Variants in MLST8 observed in about 807,000 individuals in gnomAD.
MLST8 encodes the protein MTOR associated protein MLST8.
Under a neutral mutation model 41.3 loss-of-function variants are expected in MLST8, and 20 were observed. The ratio of observed to expected loss-of-function variants is 0.48; its 90% CI spans 0.34 to 0.70. The LOEUF (loss-of-function observed/expected upper bound fraction) is 0.70, where lower values mean the gene tolerates loss of function less well. MLST8 is among the 30% of genes least tolerant of loss of function. MLST8 has a pLI of 0.01. For missense variants in MLST8, 422 were observed against 454.3 expected (o/e 0.93, Z 0.65); for synonymous variants, 243 against 183.0 (o/e 1.33, Z -2.65).
rs1240418061 is a variant in MLST8, at chr16:2,209,063, T to C, written c.*186T>C. ...CAGCCCCCAGTTGCTTATCCAGATG[T>C]GACAGAGCTCGACCCAAGCCAGGCT... On this transcript the variant is annotated 3_prime_UTR_variant, in exon 9 of 9. Transcript: ENST00000569417. 4 of 689,138 alleles carry C rather than the reference T, an allele frequency of 5.8e-6. No homozygotes were observed. Among genetic ancestry groups the C allele is most frequent in the Non-Finnish European group, 7.4e-6 (3 of 405,626 alleles). 42.7% of individuals were successfully genotyped at this position (689,138 alleles called of 1,614,324 possible). A position where few individuals can be genotyped will look rare whatever the true frequency, so the allele number is the denominator to read the frequency against.
Position 2,205,528 on chromosome 16 carries a change from G to T in MLST8, c.-56+16G>T, listed in dbSNP as rs1035145429. ...CGCCCGTAAGGTACGGAGGCCGCGA[G>T]CCAGGGGCCGGGAACCGGCTGCTGG... On this transcript the variant is annotated intron_variant, in intron 1 of 8. Transcript: ENST00000569417. The T allele has an allele frequency of 1.1e-5, 3 of 274,186 alleles. No homozygotes were observed. The highest frequency in any genetic ancestry group is 1.7e-5 in the Non-Finnish European group (3 of 179,540). The allele number at this position is 274,186 out of a possible 1,614,324, so 17.0% of individuals were successfully genotyped here.
Position 2,207,090 on chromosome 16 carries a change from G to A in MLST8, c.400G>A (p.Val134Met), listed in dbSNP as rs1328649515. 1.9e-6 allele frequency: 3 copies of A among 1,613,858 alleles called. No homozygotes were observed. Among genetic ancestry groups the A allele is most frequent in the Non-Finnish European group, 2.5e-6 (3 of 1,179,994 alleles). Reference protein sequence around the residue: ...IFQVNAPINCVCLHPNQAELI... With the variant: ...IFQVNAPINCMCLHPNQAELI... ...CCAGGTGAACGCACCCATTAACTGC[G>A]TGTGCCTGCACCCCAACCAGGTGAG... Residue 134 changes from valine to methionine, a missense_variant, in exon 5 of 9, where the codon GTG (valine) becomes ATG (methionine). Val to Met is a conservative substitution (Grantham distance 21). Coordinates refer to ENST00000569417, the MANE Select transcript of MLST8 (RefSeq NM_022372.6).
At position 2,206,137 on chromosome 16, in the gene MLST8, G is replaced by T. The variant is rs763854951; in HGVS notation, c.52G>T (p.Ala18Ser). 25 of 1,611,376 alleles carry T rather than the reference G, an allele frequency of 1.6e-5. No individual in the cohort carries two copies. The highest frequency in any genetic ancestry group is 2.5e-6 in the Non-Finnish European group (3 of 1,179,026). Residue 18 changes from alanine to serine, a missense_variant, in exon 2 of 9, where the codon GCA (alanine) becomes TCA (serine). Coordinates refer to ENST00000569417, the MANE Select transcript of MLST8 (RefSeq NM_022372.6). Reference sequence around the variant, plus strand: ...CAGTGACCCGGTCATCCTGGCCACTGCAGGCTACGACCACACCGTGCGCTT... The same window carrying T: ...CAGTGACCCGGTCATCCTGGCCACTTCAGGCTACGACCACACCGTGCGCTT... ...VGSDPVILAT[A>S]GYDHTVRFWQ...
intron 6 of MLST8, chr16:2,207,744 G>T: frequency 3.9e-6 from 1 of 257,794 alleles, no homozygotes; most frequent in Non-Finnish European, 7.5e-6. Context: ...GCCAGGTGGC[G>T]TCATTCCCCT....
chr16:2,208,130 GTGTTGGCCCCCA>G, intron 6 of MLST8, 68 bp from the exon 7 acceptor site: 1 of 1,507,982 alleles, frequency 6.6e-7, no homozygotes, highest in South Asian at 1.3e-5. Flanking sequence ...TTGGCCCCCA[GTGTTGGCCCCCA>G]GGGCATCCTT....
Position 2,207,277 on chromosome 16 carries a change from C to A in MLST8, c.505C>A (p.Pro169Thr). Reference protein sequence around the residue: ...TDHNEQLIPEPEVSITSAHID... With the variant: ...TDHNEQLIPETEVSITSAHID... ...CCACAACGAGCAGCTGATCCCTGAG[C>A]CCGAGGTCTCCATCACGTCCGCCCA... The change falls in exon 6 of 9, where the codon CCC becomes ACC. Residue 169 changes from proline (P) to threonine (T), a missense_variant. Coordinates refer to ENST00000569417, the MANE Select transcript of MLST8 (RefSeq NM_022372.6). 6.2e-7 allele frequency: 1 copy of A among 1,614,178 alleles called. No individual in the cohort carries two copies. Among genetic ancestry groups the A allele is most frequent in the Non-Finnish European group, 8.5e-7 (1 of 1,180,020 alleles).
intron 3 of MLST8, 25 bp downstream of exon 3, chr16:2,206,434 ACTC>A (rs764381004): frequency 6.2e-7 from 1 of 1,613,520 alleles, no homozygotes; most frequent in Non-Finnish European, 8.5e-7. Flanking sequence ...TGATCTCTAA[ACTC>A]CTGAGCTCTG....
At chr16:2,208,165 GACCTGA>G (rs1567278696) in intron 6 of MLST8, 39 bp from the exon 7 acceptor site, 1 of 1,563,296 alleles carries the variant, frequency 6.4e-7, no homozygotes, top group African/African-American at 1.4e-5. Context: ...CTGTGTCTCA[GACCTGA>G]GGCCTTGGGC....
rs769126018 is a variant in MLST8 at position 2,206,025 on chromosome 16, C to G, written c.-55-6C>G. On this transcript the variant is annotated splice_region_variant and splice_polypyrimidine_tract_variant and intron_variant, in intron 1 of 8. Coordinates refer to ENST00000569417, the MANE Select transcript of MLST8 (RefSeq NM_022372.6). ...TCTTCTAAGTACTTCACATCCTTCT[C>G]TGCAGATGCTCTGACCTTTGACCCC... is the stretch of plus-strand genomic sequence containing the variant. The G allele has an allele frequency of 1.3e-6, 2 of 1,522,200 alleles. No homozygotes were observed. The highest frequency in any genetic ancestry group is 2.5e-5 in the South Asian group (2 of 79,468). 94.3% of individuals were successfully genotyped at this position (1,522,200 alleles called of 1,614,324 possible). A position where few individuals can be genotyped will look rare whatever the true frequency, so the allele number is the denominator to read the frequency against.
rs1278986291 is a variant in MLST8, at chr16:2,207,278, C to T, written c.506C>T (p.Pro169Leu). 2.5e-6 allele frequency: 4 copies of T among 1,614,194 alleles called. No individual in the cohort carries two copies. Among genetic ancestry groups the T allele is most frequent in the Non-Finnish European group, 3.4e-6 (4 of 1,180,022 alleles). ...TDHNEQLIPE[P>L]EVSITSAHID... is the part of the protein sequence containing the mutation. ...CACAACGAGCAGCTGATCCCTGAGC[C>T]CGAGGTCTCCATCACGTCCGCCCAC... Residue 169 changes from proline (P) to leucine (L), a missense_variant, in exon 6 of 9, where the codon CCC becomes CTC. Pro to Leu is a moderately conservative substitution (Grantham distance 98). Coordinates refer to ENST00000569417, the MANE Select transcript of MLST8 (RefSeq NM_022372.6).
In MLST8 at chr16:2,208,763, C is replaced by T. The variant is rs2093350335; in HGVS notation, c.867C>T (p.Ser289=). 6.2e-7 allele frequency: 1 copy of T among 1,613,882 alleles called. No homozygotes were observed. Among genetic ancestry groups the T allele is most frequent in the African/African-American group, 1.3e-5 (1 of 74,942 alleles). ...CTGCACAATCTCCCCCTCCAGCTTC[C>T]TCGGACAACCTGGCCCGGCTCTGGT... The part of the protein sequence containing the change: ...SGDSQYIVTA[S]SDNLARLWCV... Residue 289 remains serine (S), a synonymous_variant, in exon 9 of 9, where the codon TCC becomes TCT. Transcript: ENST00000569417.
intron 1 of MLST8, 132 bp downstream of exon 1, chr16:2,205,644 G>C (rs1388567067): frequency 2.0e-6 from 2 of 983,316 alleles, no homozygotes; most frequent in Non-Finnish European, 2.4e-6. Flanking sequence ...GGTCCAGCCA[G>C]ACTGCGCCCT....
Position 2,208,578 on chromosome 16 carries a change from G to A in MLST8, c.827G>A (p.Cys276Tyr), listed in dbSNP as rs368651599. Reference sequence around the variant, plus strand: ...TCCTCCCGCGGCTGGATGTGGGGCTGCGCCTTCTCGGGGGACTCCCAGTAC... The same window carrying A: ...TCCTCCCGCGGCTGGATGTGGGGCTACGCCTTCTCGGGGGACTCCCAGTAC... Reference protein sequence around the residue: ...GESSRGWMWGCAFSGDSQYIV... With the variant: ...GESSRGWMWGYAFSGDSQYIV... Residue 276 changes from cysteine (C) to tyrosine (Y), a missense_variant, in exon 8 of 9, where the codon TGC (cysteine) becomes TAC (tyrosine). Coordinates refer to ENST00000569417, the MANE Select transcript of MLST8 (RefSeq NM_022372.6). 1 of 1,612,640 alleles carries A rather than the reference G, an allele frequency of 6.2e-7. No individual in the cohort carries two copies. Among genetic ancestry groups the A allele is most frequent in the Non-Finnish European group, 8.5e-7 (1 of 1,179,714 alleles).
rs773210900 is a variant in MLST8, at chr16:2,208,619, C to T, written c.862+6C>T. The T allele has an allele frequency of 1.9e-6, 3 of 1,611,850 alleles. No homozygotes were observed. The highest frequency in any genetic ancestry group is 1.3e-5 in the African/African-American group (1 of 74,904). On this transcript the variant is annotated splice_donor_region_variant and intron_variant, in intron 8 of 8. Coordinates refer to ENST00000569417, the MANE Select transcript of MLST8 (RefSeq NM_022372.6). ...CTCCCAGTACATCGTCACTGGTGAG[C>T]CCCGCCCTGGCCTCCCCCATCCCTG...
At chr16:2,207,674 C>T in intron 6 of MLST8, 1 of 383,804 alleles carries the variant, frequency 2.6e-6, no homozygotes. Flanking sequence ...CCTCCCTGAC[C>T]TCCCCTGGCC....
chr16:2,207,330 A>G lies in MLST8; in HGVS notation c.558A>G (p.Ala186=), dbSNP rs2093310959. ...TCGATCCCGACGCCAGCTACATGGC[A>G]GCTGTCAATAGCACCGTGAGTCCTG... ...AHIDPDASYM[A]AVNSTGNCYV... is the part of the protein sequence containing the mutation. Residue 186 remains alanine, a synonymous_variant, in exon 6 of 9, where the codon GCA becomes GCG. Coordinates refer to ENST00000569417, the MANE Select transcript of MLST8 (RefSeq NM_022372.6). 6.2e-7 allele frequency: 1 copy of G among 1,613,960 alleles called. No homozygotes were observed. Among genetic ancestry groups the G allele is most frequent in the Non-Finnish European group, 8.5e-7 (1 of 1,179,970 alleles).
rs888465577 is a variant in MLST8 at position 2,208,432 on chromosome 16, C to T, written c.699-18C>T. ...ATGGAGTGGCTGCTGCTGGACACGC[C>T]CCATGCCCACCCACTAGGCTCCTCG... On this transcript the variant is annotated intron_variant, in intron 7 of 8. Transcript: ENST00000569417. 1.9e-6 allele frequency: 3 copies of T among 1,611,692 alleles called. No homozygotes were observed. Among genetic ancestry groups the T allele is most frequent in the Admixed American group, 1.7e-5 (1 of 59,760 alleles).
chr16:2,208,652 G>A (rs2093346028), intron 8 of MLST8, 39 bp downstream of exon 8: 1 of 1,611,960 alleles, frequency 6.2e-7, no homozygotes, highest in South Asian at 1.1e-5. Context: ...CTGGCCCCCG[G>A]CGCTGGCCTC....
intron 6 of MLST8, chr16:2,207,736 C>T: frequency 3.7e-6 from 1 of 267,196 alleles, no homozygotes; most frequent in Non-Finnish European, 7.2e-6. Context: ...CAGTATCAGC[C>T]AGGTGGCGTC....
Sources: allele counts gnomAD v4.1 joint callset, GRCh38; gene constraint gnomAD v4.1.1; transcripts MANE v1.5; gene names NCBI Gene and HGNC (gene_info 2026-07-23, HGNC 2026-07-21).